ATP2A1: variants seen among roughly 807,000 people sequenced by gnomAD.
ATP2A1 encodes ATPase sarcoplasmic/endoplasmic reticulum Ca2+ transporting 1, also known as sarcoplasmic/endoplasmic reticulum calcium ATPase 1.
ATP2A1 carries 83 observed loss-of-function variants against 109.5 expected under a neutral mutation model. The ratio of observed to expected loss-of-function variants is 0.76; its 90% CI spans 0.63 to 0.91. ATP2A1 has a LOEUF of 0.91. Among genes scored for constraint, ATP2A1 ranks in the 40% least tolerant of loss-of-function variants. The pLI is 0.00. For synonymous variants in ATP2A1, 505 were observed against 537.6 expected, an observed-to-expected ratio of 0.94 and a Z score of 0.84; for missense variants, 1,101 against 1,341.0, an observed-to-expected ratio of 0.82 and a Z score of 2.80.
chr16:28,881,757 G>A, intron 4 of ATP2A1: 1 of 153,248 alleles, frequency 6.5e-6, no homozygotes, highest in Non-Finnish European at 1.4e-5. Context: ...AGCCAAGATT[G>A]CACAATTGCA....
At position 28,879,106 on chromosome 16, in the gene ATP2A1, T is replaced by C; in HGVS notation, c.126T>C (p.Pro42=). ...NLEKYGLNEL[P]AEEGKTLWEL... ...CTTCTTTTTCCTGGGTAGAGCTCCC[T>C]GCTGAGGAAGGTAAGTTACTGGAAT... is the stretch of plus-strand genomic sequence containing the variant. Residue 42 remains proline, a synonymous_variant, in exon 2 of 23, where the codon CCT becomes CCC. Transcript: ENST00000395503. The C allele has an allele frequency of 6.2e-7, 1 of 1,614,132 alleles. No homozygotes were observed. Among genetic ancestry groups the C allele is most frequent in the South Asian group, 1.1e-5 (1 of 91,072 alleles).
rs201798363 is a variant in ATP2A1 at position 28,902,016 on chromosome 16, G to A, written c.2254G>A (p.Ala752Thr). Residue 752 changes from alanine to threonine, a missense_variant, in exon 16 of 23, where the codon GCC becomes ACC. Coordinates refer to ENST00000395503, the MANE Select transcript of ATP2A1 (RefSeq NM_004320.6). This position sits in a 1 kb window ranked among gnomAD's most constrained non-coding sequence, Gnocchi z 4.8. ...TIVAAVEEGR[A>T]IYNNMKQFIR... ...CGTAGCTGCTGTGGAGGAGGGCCGC[G>A]CCATCTACAACAACATGAAGCAGTT... 3.7e-6 allele frequency: 6 copies of A among 1,614,108 alleles called. No homozygotes were observed. Among genetic ancestry groups the A allele is most frequent in the South Asian group, 1.1e-5 (1 of 91,086 alleles).
intron 9 of ATP2A1, among the ~76,000 whole-genome samples, chr16:28,892,870 T>C (rs1963811634): frequency 1.3e-5 from 2 of 150,574 alleles, no homozygotes; most frequent in Non-Finnish European, 3.0e-5. Flanking sequence ...CATGGCGAAA[T>C]TCCGTCTCTA....
At position 28,902,918 on chromosome 16, in the gene ATP2A1, GC is replaced by G; in HGVS notation, c.2744+13del. On this transcript the variant is annotated splice_region_variant and intron_variant, in intron 19 of 22. Transcript: ENST00000395503. This position sits in a 1 kb window ranked among gnomAD's most constrained non-coding sequence, Gnocchi z 4.8. ...TGTGCAATGCACTGAACAGGTGGGG[GC>G]CCCCCAGCTACACCCACCACCCTCC... 1.2e-6 allele frequency: 2 copies of G among 1,613,612 alleles called. No individual in the cohort carries two copies. The highest frequency in any genetic ancestry group is 1.3e-5 in the African/African-American group (1 of 74,938).
At chr16:28,888,740 C>A in intron 8 of ATP2A1, 47 bp from the exon 9 acceptor site, 1 of 1,602,008 alleles carries the variant, frequency 6.2e-7, no homozygotes, top group Non-Finnish European at 8.5e-7. Flanking sequence ...GGTTCCCTCA[C>A]ACCCTCCCCT....
intron 2 of ATP2A1, 147 bp downstream of exon 2, chr16:28,879,263 C>A: frequency 8.9e-7 from 1 of 1,122,428 alleles, no homozygotes; most frequent in Admixed American, 1.8e-5. Context: ...AGAGTCCTGT[C>A]CGGGGCAGAA....
intron 4 of ATP2A1, 41 bp downstream of exon 4, chr16:28,881,060 TGAA>T (rs1315870402): frequency 5.0e-6 from 8 of 1,588,960 alleles, no homozygotes; most frequent in Admixed American, 5.0e-5. Flanking sequence ...GTCCCAACAG[TGAA>T]GAAGAGGCCA....
At chr16:28,888,674 G>A (rs1443656871) in intron 8 of ATP2A1, 113 bp from the exon 9 acceptor site, 5 of 1,295,006 alleles carry the variant, frequency 3.9e-6, no homozygotes, top group African/African-American at 1.5e-5. Flanking sequence ...CAAAGTGCTA[G>A]GATTATAGGT....
intron 9 of ATP2A1, among the ~76,000 whole-genome samples, chr16:28,892,099 G>A (rs1331368636): frequency 6.6e-6 from 1 of 152,150 alleles, no homozygotes; most frequent in Non-Finnish European, 1.5e-5. Flanking sequence ...AAGCAGTGGT[G>A]AGCATAAATT....
chr16:28,894,684 G>A, intron 11 of ATP2A1, 77 bp downstream of exon 11: 4 of 1,597,842 alleles, frequency 2.5e-6, no homozygotes, highest in Non-Finnish European at 2.6e-6. Context: ...GTTGGAGGAA[G>A]GGGACCCAGT....
intron 9 of ATP2A1, chr16:28,892,703 A>C (rs1963806450): frequency 6.6e-6 from 1 of 152,122 alleles, no homozygotes; most frequent in Non-Finnish European, 1.5e-5. Flanking sequence ...CATCCCTCTA[A>C]CGCACAGGCC....
chr16:28,882,614 AGGATGGGAGGCCTTG>A, intron 5 of ATP2A1, 25 bp downstream of exon 5: 1 of 1,613,364 alleles, frequency 6.2e-7, no homozygotes, highest in Non-Finnish European at 8.5e-7. Context: ...CGGCTGGTCC[AGGATGGGAGGCCTTG>A]GGGCTGAGGC....
Position 28,898,415 on chromosome 16 carries a change from G to C in ATP2A1, c.1728G>C (p.Met576Ile). The C allele has an allele frequency of 6.2e-7, 1 of 1,614,128 alleles. No homozygotes were observed. Among genetic ancestry groups the C allele is most frequent in the South Asian group, 1.1e-5 (1 of 91,088 alleles). ...ACACCCCCCCGAAGCGAGAGGAAAT[G>C]GTCCTGGATGACTCTGCCAGGTTCC... ...TRDTPPKREE[M>I]VLDDSARFLE... Residue 576 changes from methionine (M) to isoleucine (I), a missense_variant, in exon 14 of 23, where the codon ATG (methionine) becomes ATC (isoleucine). Coordinates refer to ENST00000395503, the MANE Select transcript of ATP2A1 (RefSeq NM_004320.6). The surrounding 1 kb of genome is among the most constrained non-coding windows in gnomAD (Gnocchi z 4.0).
At chr16:28,878,925 G>A (rs942306553) in intron 1 of ATP2A1, 136 bp downstream of exon 1, 2 of 1,334,454 alleles carry the variant, frequency 1.5e-6, no homozygotes, top group Non-Finnish European at 2.2e-6. Flanking sequence ...CTCGCAGGGG[G>A]AAGAAGATAC....
chr16:28,885,975 C>T (rs563610057), intron 6 of ATP2A1, among the ~76,000 whole-genome samples: 2 of 151,494 alleles, frequency 1.3e-5, no homozygotes, highest in South Asian at 2.1e-4. Flanking sequence ...AGACCAGCCT[C>T]GGCAACACAG....
In ATP2A1 at chr16:28,899,982, C is replaced by CAA. The variant is rs145297469; in HGVS notation, c.1765-595_1765-594dup. 7.1e-4 allele frequency among the ~76,000 whole-genome samples: 94 copies of CAA among 132,040 alleles called. 1 individual carries two copies. Among genetic ancestry groups the CAA allele is most frequent in the African/African-American group, 1.7e-3 (56 of 32,660 alleles). The allele number at this position is 132,040 out of a possible 152,430, so 86.6% of individuals were successfully genotyped here. A position where few individuals can be genotyped will look rare whatever the true frequency, so the allele number is the denominator to read the frequency against. On this transcript the variant is annotated intron_variant, in intron 14 of 22. Transcript: ENST00000395503. ...TCCATCTCAAAAAACAAAACAAAAA[C>CAA]AAAAACAAAAAAAAGGAAAGACACG...
intron 6 of ATP2A1, among the ~76,000 whole-genome samples, chr16:28,886,493 T>C (rs1407166082): frequency 6.6e-6 from 1 of 152,064 alleles, no homozygotes; most frequent in African/African-American, 2.4e-5. Context: ...TGGTCGTAAG[T>C]GTAGGTCCCC....
chr16:28,901,233 G>A (rs1964064177), intron 15 of ATP2A1, among the ~76,000 whole-genome samples: 1 of 151,418 alleles, frequency 6.6e-6, no homozygotes, highest in African/African-American at 2.4e-5. Context: ...CTACTTGGGA[G>A]CCTGAGGTGG....
At position 28,902,236 on chromosome 16, in the gene ATP2A1, C is replaced by T. The variant is rs1014311465; in HGVS notation, c.2374C>T (p.Leu792=). ...GLPEALIPVQ[L]LWVNLVTDGL... is the part of the protein sequence containing the mutation. The stretch of plus-strand genomic sequence containing the variant: ...GCCTGAGGCCCTGATCCCGGTGCAG[C>T]TGCTATGGGTGAACTTGGTGACCGA... Residue 792 remains leucine, a synonymous_variant, in exon 17 of 23, where the codon CTG becomes TTG. Transcript: ENST00000395503. The surrounding 1 kb of genome is among the most constrained non-coding windows in gnomAD (Gnocchi z 4.8). 1 of 1,614,156 alleles carries T rather than the reference C, an allele frequency of 6.2e-7. No individual in the cohort carries two copies. The highest frequency in any genetic ancestry group is 1.7e-5 in the Admixed American group (1 of 60,010).
Sources: allele counts gnomAD v4.1 joint callset (sites outside exome capture counted in the v4.1 genomes callset), GRCh38; gene constraint gnomAD v4.1.1; non-coding constraint Gnocchi (gnomAD v3.1); transcripts MANE v1.5; gene names NCBI Gene and HGNC (gene_info 2026-07-23, HGNC 2026-07-21).